Variants in ASXL2 observed in about 807,000 individuals in gnomAD.
ASXL2 encodes putative Polycomb group protein ASXL2.
Under a neutral mutation model 122.0 loss-of-function variants are expected in ASXL2, and 23 were observed. The observed-to-expected ratio is 0.19, with a 90% CI of 0.14 to 0.27. The LOEUF (loss-of-function observed/expected upper bound fraction) is 0.27, where lower values mean the gene tolerates loss of function less well. Ranked by LOEUF, ASXL2 falls within the 10% of genes least tolerant of loss-of-function variation. The pLI is 1.00. For synonymous variants in ASXL2, 650 were observed against 637.0 expected (o/e 1.02, Z -0.31); for missense variants, 1,518 against 1,713.8 (o/e 0.89, Z 2.02).
intron 12 of ASXL2, among the ~76,000 whole-genome samples, chr2:25,748,492 C>G (rs766356579): frequency 1.4e-5 from 2 of 143,964 alleles, no homozygotes; most frequent in Non-Finnish European, 3.1e-5. Flanking sequence ...GACAACAGAA[C>G]GAGACTCCGT....
At chr2:25,762,741 A>G (rs1394001179) in intron 8 of ASXL2, among the ~76,000 whole-genome samples, 1 of 151,646 alleles carries the variant, frequency 6.6e-6, no homozygotes, top group Non-Finnish European at 1.5e-5. Context: ...ATGACTGAGA[A>G]ACAAGTCCAA....
At chr2:25,747,835 C>A (rs930432066) in intron 12 of ASXL2, among the ~76,000 whole-genome samples, 1 of 151,966 alleles carries the variant, frequency 6.6e-6, no homozygotes, top group Admixed American at 6.6e-5. Context: ...TAAGAAAAAA[C>A]CCCCATAGAT....
chr2:25,836,661 A>G (rs2089515551), intron 2 of ASXL2, among the ~76,000 whole-genome samples: 1 of 152,220 alleles, frequency 6.6e-6, no homozygotes, highest in South Asian at 2.1e-4. Flanking sequence ...TTTATTGAGC[A>G]TAATCTTTGC....
intron 5 of ASXL2, among the ~76,000 whole-genome samples, chr2:25,790,795 T>C (rs1407736874): frequency 2.1e-5 from 3 of 143,422 alleles, no homozygotes; most frequent in African/African-American, 7.8e-5. Context: ...TAAACAGTTT[T>C]TTGTCTTTTT....
intron 10 of ASXL2, 120 bp downstream of exon 10, chr2:25,755,898 A>G (rs1157771285): frequency 1.2e-6 from 1 of 859,652 alleles, no homozygotes; most frequent in Non-Finnish European, 1.9e-6. Flanking sequence ...ATGATGGTTA[A>G]TTCTATCCTA....
Position 25,743,423 on chromosome 2 carries a change from G to A in ASXL2, c.2914C>T (p.Leu972Phe). ...VPMEQILPKP[L>F]TKVEMKTVPL... Reference sequence around the variant, plus strand: ...ACCGTTTTCATTTCAACTTTGGTGAGAGGTTTAGGCAGAATTTGCTCCATG... The same window carrying A: ...ACCGTTTTCATTTCAACTTTGGTGAAAGGTTTAGGCAGAATTTGCTCCATG... The change falls in exon 13 of 13, where the codon CTC becomes TTC. Residue 972 changes from leucine to phenylalanine, a missense_variant. By Grantham distance (22) the Leu-to-Phe change is conservative. Around this residue, in one of 8 missense-constraint regions of ASXL2, gnomAD observed 831 missense variants for 833.1 expected, o/e 1.00. Coordinates refer to ENST00000435504, the MANE Select transcript of ASXL2 (RefSeq NM_018263.6). 6.2e-7 allele frequency: 1 copy of A among 1,613,884 alleles called. No homozygotes were observed. The highest frequency in any genetic ancestry group is 8.5e-7 in the Non-Finnish European group (1 of 1,179,900).
At chr2:25,793,956 C>T (rs1446276055) in intron 5 of ASXL2, among the ~76,000 whole-genome samples, 1 of 152,154 alleles carries the variant, frequency 6.6e-6, no homozygotes, top group Non-Finnish European at 1.5e-5. Context: ...AATTCAGCCA[C>T]CAATAATAAC....
intron 4 of ASXL2, 125 bp downstream of exon 4, chr2:25,806,104 C>G (rs1222897521): frequency 1.7e-6 from 1 of 603,196 alleles, no homozygotes; most frequent in Non-Finnish European, 2.9e-6. Flanking sequence ...GTAGAGGTTT[C>G]AAAATATTAC....
chr2:25,820,006 C>T (rs1183126542), intron 3 of ASXL2, among the ~76,000 whole-genome samples: 1 of 152,110 alleles, frequency 6.6e-6, no homozygotes, highest in Non-Finnish European at 1.5e-5. Flanking sequence ...AACTCCTGGG[C>T]TCAAATTTAA....
At position 25,739,179 on chromosome 2, in the gene ASXL2, C is replaced by G. The variant is rs1041799812; in HGVS notation, c.*2850G>C. 2 of 153,178 alleles carry G rather than the reference C, an allele frequency of 1.3e-5. No homozygotes were observed. Among genetic ancestry groups the G allele is most frequent in the African/African-American group, 4.8e-5 (2 of 41,466 alleles). 9.5% of individuals were successfully genotyped at this position (153,178 alleles called of 1,614,324 possible). A position where few individuals can be genotyped will look rare whatever the true frequency, so the allele number is the denominator to read the frequency against. ...GCATCAGGCATAATGCCTGACTAGT[C>G]ACTGGAAATAATGCCAGGTCATACC... On this transcript the variant is annotated 3_prime_UTR_variant, in exon 13 of 13. Transcript: ENST00000435504.
intron 1 of ASXL2, 86 bp downstream of exon 1, chr2:25,878,080 G>A (rs1026280995): frequency 4.5e-6 from 7 of 1,547,320 alleles, no homozygotes; most frequent in Non-Finnish European, 6.2e-6. Flanking sequence ...CGGGTCCCTG[G>A]GCCAGTGACC....
At chr2:25,799,288 T>A in intron 5 of ASXL2, 97 bp downstream of exon 5, 1 of 1,534,188 alleles carries the variant, frequency 6.5e-7, no homozygotes, top group Non-Finnish European at 8.9e-7. Flanking sequence ...TAAGGGAAAG[T>A]GACTGACTGA....
chr2:25,789,671 G>A (rs184236952), intron 5 of ASXL2, among the ~76,000 whole-genome samples: 146 of 152,244 alleles, frequency 9.6e-4, no homozygotes, highest in Non-Finnish European at 1.7e-3. Context: ...GATGCTCAAA[G>A]GAAATGTTCA....
chr2:25,800,039 T>C (rs1307497683), intron 4 of ASXL2, among the ~76,000 whole-genome samples: 1 of 150,286 alleles, frequency 6.7e-6, no homozygotes, highest in Non-Finnish European at 1.5e-5. Context: ...CGAACACTCC[T>C]GTAGTCACAG....
chr2:25,862,897 C>T (rs1351875687), intron 1 of ASXL2, among the ~76,000 whole-genome samples: 2 of 152,008 alleles, frequency 1.3e-5, no homozygotes, highest in African/African-American at 4.8e-5. Flanking sequence ...TGAGCCATCA[C>T]GCCCAGCCAA....
At chr2:25,843,297 G>A (rs1423608905) in intron 2 of ASXL2, among the ~76,000 whole-genome samples, 3 of 116,338 alleles carry the variant, frequency 2.6e-5, no homozygotes, top group Admixed American at 9.4e-5. Flanking sequence ...GAGAGACTTC[G>A]TCTCAAAAAA....
intron 1 of ASXL2, among the ~76,000 whole-genome samples, chr2:25,853,437 T>A (rs1008677661): frequency 1.3e-5 from 2 of 152,186 alleles, no homozygotes; most frequent in Non-Finnish European, 2.9e-5. Context: ...CACTAGACTC[T>A]TGTGGTTCAC....
At chr2:25,835,578 A>G (rs184801261) in intron 2 of ASXL2, 38 bp from the exon 3 acceptor site, 16 of 258,996 alleles carry the variant, frequency 6.2e-5, no homozygotes, top group African/African-American at 3.6e-4. Context: ...TGAAAGAAGG[A>G]AAAAAAAAGC....
chr2:25,841,422 T>C (rs2089576758), intron 2 of ASXL2, among the ~76,000 whole-genome samples: 1 of 152,212 alleles, frequency 6.6e-6, no homozygotes, highest in African/African-American at 2.4e-5. Flanking sequence ...ATACTTGTTA[T>C]GCATCATATG....
Sources: gnomAD v4.1 joint callset for allele counts (sites outside exome capture counted in the v4.1 genomes callset) on GRCh38, gnomAD v4.1.1 for gene constraint, gnomAD v4.1.1 regional missense constraint, MANE v1.5 for transcripts, NCBI Gene and HGNC (gene_info 2026-07-23, HGNC 2026-07-21) for gene names.